The following POLN variants were observed in gnomAD, a reference collection of about 807,000 sequenced individuals.
POLN encodes the protein DNA polymerase N.
POLN carries 108 observed loss-of-function variants against 113.5 expected under a neutral mutation model. That is an observed-to-expected ratio of 0.95 (90% confidence interval 0.81 to 1.12). The LOEUF is 1.12. POLN is among the 50% of genes most tolerant of loss of function. The pLI is 0.00. For synonymous variants in POLN, 386 were observed against 391.5 expected, an observed-to-expected ratio of 0.99 and a Z score of 0.17; for missense variants, 1,097 against 1,077.1, an observed-to-expected ratio of 1.02 and a Z score of -0.26.
At chr4:2,192,112 C>A (rs1733465082) in intron 7 of POLN, among the ~76,000 whole-genome samples, 1 of 91,042 alleles carries the variant, frequency 1.1e-5, no homozygotes. Flanking sequence ...GAGACTCCAT[C>A]TCAAAAAAAA....
intron 16 of POLN, among the ~76,000 whole-genome samples, chr4:2,145,207 G>GA (rs534605110): frequency 9.4e-5 from 14 of 148,670 alleles, no homozygotes; most frequent in South Asian, 4.3e-4. Context: ...CATTATAGGC[G>GA]AAAAAAAAAG....
At chr4:2,115,529 C>T (rs1050965247) in intron 19 of POLN, among the ~76,000 whole-genome samples, 1 of 152,098 alleles carries the variant, frequency 6.6e-6, no homozygotes, top group African/African-American at 2.4e-5. Flanking sequence ...TTCTGAAAGT[C>T]CCAATACCTG....
chr4:2,116,488 G>A (rs768511262), intron 19 of POLN, among the ~76,000 whole-genome samples: 1 of 151,780 alleles, frequency 6.6e-6, no homozygotes, highest in Non-Finnish European at 1.5e-5. Context: ...GAGTTACAAC[G>A]AATGTCTCAT....
rs74398018 is a variant in POLN, at chr4:2,234,664, T to A, written c.-12-5421A>T. Among the ~76,000 whole-genome samples the A allele has an allele frequency of 9.9e-3, 1,500 of 152,090 alleles. 27 individuals are homozygous for A. The highest frequency in any genetic ancestry group is 0.034 in the African/African-American group (1,426 of 41,478). ...AGAAAAGAAAACTATATGCCTTACA[T>A]TACTAAGCAAAAGAAAAATGGCAAA... On this transcript the variant is annotated intron_variant, in intron 2 of 25. Transcript: ENST00000511885.
At chr4:2,238,633 G>A in intron 2 of POLN, 2 of 1,606,022 alleles carry the variant, frequency 1.2e-6, no homozygotes, top group Non-Finnish European at 1.7e-6. Context: ...TAGTATCAAT[G>A]GTATTCCTTG....
intron 16 of POLN, among the ~76,000 whole-genome samples, chr4:2,148,999 T>C (rs917983564): frequency 1.3e-5 from 2 of 152,098 alleles, no homozygotes; most frequent in Admixed American, 6.5e-5. Flanking sequence ...CTGGGCACAG[T>C]GACCTGTCAC....
At chr4:2,238,929 C>T (rs1211228655) in intron 2 of POLN, 1 of 1,611,314 alleles carries the variant, frequency 6.2e-7, no homozygotes, top group Non-Finnish European at 8.5e-7. Context: ...TGGGCATTCT[C>T]TCTTACCACA....
intron 16 of POLN, among the ~76,000 whole-genome samples, chr4:2,132,334 G>A (rs1731747226): frequency 6.6e-6 from 1 of 152,086 alleles, no homozygotes; most frequent in Non-Finnish European, 1.5e-5. Context: ...AAAGACTCAA[G>A]GACCTGTGGG....
chr4:2,092,945 A>G (rs1220209154), intron 20 of POLN, among the ~76,000 whole-genome samples: 1 of 152,230 alleles, frequency 6.6e-6, no homozygotes, highest in Non-Finnish European at 1.5e-5. Context: ...TCCAGCTGTC[A>G]AGCCAGACCG....
chr4:2,201,305 G>GAAAAAAAAAAAAAAA (rs1733709580), intron 5 of POLN, among the ~76,000 whole-genome samples: 1 of 58,106 alleles, frequency 1.7e-5, no homozygotes, highest in African/African-American at 1.0e-4. Flanking sequence ...AAAAAAAAAC[G>GAAAAAAAAAAAAAAA]AGGGGAGAAA....
intron 21 of POLN, 50 bp from the exon 22 acceptor site, chr4:2,081,793 G>C: frequency 6.6e-7 from 1 of 1,506,950 alleles, no homozygotes; most frequent in Non-Finnish European, 9.2e-7. Flanking sequence ...AGGCACCACA[G>C]CAGGTGCAGC....
chr4:2,197,639 G>A (rs1733614019), intron 6 of POLN, among the ~76,000 whole-genome samples: 1 of 152,196 alleles, frequency 6.6e-6, no homozygotes, highest in Non-Finnish European at 1.5e-5. Flanking sequence ...CACTAGACCT[G>A]ACCAGTTGTT....
chr4:2,128,974 G>C (rs1184344799), intron 18 of POLN, among the ~76,000 whole-genome samples: 1 of 148,600 alleles, frequency 6.7e-6, no homozygotes, highest in Non-Finnish European at 1.5e-5. Flanking sequence ...AGAATTGCTT[G>C]AACCCAGGAG....
chr4:2,187,490 C>T (rs1733309364), intron 7 of POLN, among the ~76,000 whole-genome samples: 2 of 152,030 alleles, frequency 1.3e-5, no homozygotes, highest in South Asian at 2.1e-4. Flanking sequence ...GTGATCCACC[C>T]GCCTCAGTCT....
At chr4:2,196,423 C>G (rs987704087) in intron 6 of POLN, among the ~76,000 whole-genome samples, 1 of 152,092 alleles carries the variant, frequency 6.6e-6, no homozygotes, top group Admixed American at 6.5e-5. Context: ...CATGATGAGG[C>G]AAACAAATGA....
intron 16 of POLN, 122 bp from the exon 17 acceptor site, chr4:2,131,412 T>C (rs1188129554): frequency 1.9e-5 from 12 of 628,068 alleles, no homozygotes; most frequent in Non-Finnish European, 3.3e-5. Flanking sequence ...GTAACATGCA[T>C]AAGCACATTA....
intron 19 of POLN, among the ~76,000 whole-genome samples, chr4:2,122,914 A>G (rs1406046413): frequency 6.6e-6 from 1 of 152,048 alleles, no homozygotes. Flanking sequence ...GCACTTTGGG[A>G]GGCCAAGGAG....
rs138612313 is a variant in POLN, at chr4:2,124,313, G to A, written c.1982+3800C>T. On this transcript the variant is annotated intron_variant, in intron 19 of 25. Coordinates refer to ENST00000511885, the MANE Select transcript of POLN (RefSeq NM_181808.4). Reference sequence around the variant, plus strand: ...TTGAGAGACAGGTTCTTGCTCTGTCGAGGCGGAGTGCAGTGGTGTAATCAT... The same window carrying A: ...TTGAGAGACAGGTTCTTGCTCTGTCAAGGCGGAGTGCAGTGGTGTAATCAT... Among the ~76,000 whole-genome samples, 395 of 152,170 alleles carry A rather than the reference G, an allele frequency of 2.6e-3. 1 individual carries two copies. The highest frequency in any genetic ancestry group is 8.9e-3 in the African/African-American group (368 of 41,510).
At chr4:2,089,418 A>G (rs1730617246) in intron 20 of POLN, 4 of 1,389,482 alleles carry the variant, frequency 2.9e-6, no homozygotes, top group Non-Finnish European at 3.9e-6. Flanking sequence ...ATGACTGGTT[A>G]CAAAGGTCAG....
Sources: allele counts gnomAD v4.1 joint callset (sites outside exome capture counted in the v4.1 genomes callset), GRCh38; gene constraint gnomAD v4.1.1; transcripts MANE v1.5; gene names NCBI Gene and HGNC (gene_info 2026-07-23, HGNC 2026-07-21).